The following TSHR variants were observed in gnomAD, a reference collection of about 807,000 sequenced individuals.
The protein encoded by TSHR is thyroid stimulating hormone receptor.
In TSHR, 51 loss-of-function variants were observed where a neutral mutation model predicts 64.1. The ratio of observed to expected loss-of-function variants is 0.80; its 90% CI spans 0.64 to 1.01. The LOEUF is 1.01. TSHR is among the 50% of genes least tolerant of loss of function. The probability of loss-of-function intolerance (pLI) is 0.00; values close to 1 mark genes in which losing one functional copy is unlikely to be tolerated. For synonymous variants in TSHR, 361 were observed against 361.9 expected (o/e 1.00, Z 0.03); for missense variants, 877 against 942.8 (o/e 0.93, Z 0.91).
Position 81,076,966 on chromosome 14 carries a change from T to C in TSHR, c.317+8638T>C, listed in dbSNP as rs149896635. ...CTGTGTTCTTTGGTTTTTTGAACAG[T>C]CCAATATCTTTCTCACCTCAGGGTA... On this transcript the variant is annotated intron_variant, in intron 3 of 9. Transcript: ENST00000298171. 2.6e-5 allele frequency among the ~76,000 whole-genome samples: 4 copies of C among 152,328 alleles called. No homozygotes were observed. The East Asian group carries it at 5.8e-4, about 22-fold the overall frequency.
chr14:81,138,421 C>G (rs896939945), intron 8 of TSHR, among the ~76,000 whole-genome samples: 1 of 151,900 alleles, frequency 6.6e-6, no homozygotes, highest in Non-Finnish European at 1.5e-5. Flanking sequence ...GAACTCCTGA[C>G]CTCGTGATCC....
chr14:81,104,912 T>C, intron 7 of TSHR: 1 of 985,428 alleles, frequency 1.0e-6, no homozygotes, highest in South Asian at 4.7e-5. Context: ...GATGTAGCCA[T>C]GTCTATCTTA....
At chr14:81,063,145 T>A (rs1313274244) in intron 2 of TSHR, among the ~76,000 whole-genome samples, 1 of 152,128 alleles carries the variant, frequency 6.6e-6, no homozygotes, top group Admixed American at 6.6e-5. Context: ...CTACTGAACA[T>A]CTCTGCAGTT....
At chr14:81,072,370 G>A (rs1013964335) in intron 3 of TSHR, among the ~76,000 whole-genome samples, 1 of 152,068 alleles carries the variant, frequency 6.6e-6, no homozygotes, top group African/African-American at 2.4e-5. Flanking sequence ...GTGTTCTAAA[G>A]GTCTTTGAAT....
intron 6 of TSHR, among the ~76,000 whole-genome samples, chr14:81,093,169 C>G (rs939331943): frequency 6.6e-6 from 1 of 152,200 alleles, no homozygotes; most frequent in East Asian, 1.9e-4. Flanking sequence ...CACTTTTACT[C>G]AGTAATCACA....
intron 8 of TSHR, among the ~76,000 whole-genome samples, chr14:81,118,831 T>C (rs1214964333): frequency 1.3e-5 from 2 of 150,588 alleles, no homozygotes; most frequent in East Asian, 2.0e-4. Context: ...AAAACAGAGA[T>C]ATAGATCAAT....
intron 2 of TSHR, among the ~76,000 whole-genome samples, chr14:81,066,370 C>T (rs1324499124): frequency 1.3e-5 from 2 of 152,164 alleles, no homozygotes; most frequent in African/African-American, 2.4e-5. Context: ...AAATTAATTC[C>T]TTTCAATCTG....
At chr14:81,025,180 G>C (rs766591521) in intron 1 of TSHR, among the ~76,000 whole-genome samples, 4 of 152,158 alleles carry the variant, frequency 2.6e-5, no homozygotes, top group African/African-American at 7.2e-5. Flanking sequence ...GGGTTTGAAA[G>C]TTTTGAGAAA....
chr14:81,140,043 G>A (rs544740637), intron 9 of TSHR, among the ~76,000 whole-genome samples, 176 bp downstream of exon 9: 23 of 152,344 alleles, frequency 1.5e-4, no homozygotes, highest in Admixed American at 8.5e-4. Context: ...CAAAGTGGGT[G>A]CAGCTGAGAA....
At chr14:80,991,440 T>C (rs72693086) in intron 1 of TSHR, 34 of 392,334 alleles carry the variant, frequency 8.7e-5, no homozygotes, top group Non-Finnish European at 1.4e-4. Context: ...AGACAAATTT[T>C]TGTGAAGGGC....
In TSHR at chr14:81,145,181, C is replaced by G. The variant is rs957064431; in HGVS notation, c.*828C>G. 4.3e-6 allele frequency: 1 copy of G among 232,946 alleles called. No homozygotes were observed. Among genetic ancestry groups the G allele is most frequent in the African/African-American group, 2.2e-5 (1 of 45,346 alleles). The allele number at this position is 232,946 out of a possible 1,614,324, so 14.4% of individuals were successfully genotyped here. On this transcript the variant is annotated 3_prime_UTR_variant, in exon 10 of 10. Transcript: ENST00000298171. ...ATCCCCTGTTGATTAATAAAACAGGCTGGACACTAATTAACTATGGGACTT... is the reference window on the plus strand; with the variant it reads ...ATCCCCTGTTGATTAATAAAACAGGGTGGACACTAATTAACTATGGGACTT...
At chr14:81,052,943 G>A (rs1222492560) in intron 1 of TSHR, 1 of 151,978 alleles carries the variant, frequency 6.6e-6, no homozygotes, top group East Asian at 1.9e-4. Context: ...GGCTGAGGGA[G>A]GGGAGAGGGA....
At chr14:81,020,302 C>A (rs974007063) in intron 1 of TSHR, among the ~76,000 whole-genome samples, 9 of 152,172 alleles carry the variant, frequency 5.9e-5, no homozygotes, top group South Asian at 2.1e-4. Flanking sequence ...GGGCCATGAA[C>A]CAGTACCTGT....
intron 7 of TSHR, 123 bp downstream of exon 7, chr14:81,096,830 C>A: frequency 1.8e-6 from 2 of 1,110,270 alleles, no homozygotes; most frequent in African/African-American, 1.6e-5. Context: ...TTAGTGTGAC[C>A]AACATGGAAA....
At chr14:81,119,571 A>T (rs1333940308) in intron 8 of TSHR, among the ~76,000 whole-genome samples, 111 of 116,956 alleles carry the variant, frequency 9.5e-4, no homozygotes, top group East Asian at 2.9e-3. Flanking sequence ...ACACTTTTAC[A>T]TTGTTGGTGG....
intron 3 of TSHR, among the ~76,000 whole-genome samples, chr14:81,084,179 C>T (rs1888114615): frequency 6.6e-6 from 1 of 152,158 alleles, no homozygotes; most frequent in South Asian, 2.1e-4. Flanking sequence ...TTTTTCTAAT[C>T]AATACGCTTT....
chr14:81,010,374 A>G (rs991449020), intron 1 of TSHR, among the ~76,000 whole-genome samples: 1 of 151,992 alleles, frequency 6.6e-6, no homozygotes, highest in African/African-American at 2.4e-5. Context: ...CGGAACAGCC[A>G]TATATATGTC....
chr14:81,108,655 G>A (rs376113420), intron 8 of TSHR: 37 of 1,613,874 alleles, frequency 2.3e-5, no homozygotes, highest in Non-Finnish European at 3.0e-5. Flanking sequence ...GACTCAGAAG[G>A]CCCCACGCTC....
chr14:81,037,956 A>G (rs1451872443), intron 1 of TSHR, among the ~76,000 whole-genome samples: 3 of 148,590 alleles, frequency 2.0e-5, no homozygotes, highest in Non-Finnish European at 4.5e-5. Context: ...CACTGGATTT[A>G]TACTGCACTC....
Sources: allele counts gnomAD v4.1 joint callset (sites outside exome capture counted in the v4.1 genomes callset), GRCh38; gene constraint gnomAD v4.1.1; transcripts MANE v1.5; gene names NCBI Gene and HGNC (gene_info 2026-07-23, HGNC 2026-07-21).